KCNJ3: variants seen among roughly 807,000 people sequenced by gnomAD.
KCNJ3 encodes the protein G protein-activated inward rectifier potassium channel 1.
A neutral mutation model predicts 39.2 loss-of-function variants in KCNJ3; 4 were observed. The ratio of observed to expected loss-of-function variants is 0.10; its 90% CI spans 0.05 to 0.23. KCNJ3 has a LOEUF of 0.23. Among genes scored for constraint, KCNJ3 ranks in the 10% least tolerant of loss-of-function variants. KCNJ3 has a pLI of 1.00. For missense variants in KCNJ3, 276 were observed against 634.9 expected (o/e 0.43, Z 6.08); for synonymous variants, 230 against 237.4 (o/e 0.97, Z 0.29).
intron 2 of KCNJ3, among the ~76,000 whole-genome samples, chr2:154,751,462 T>G (rs1267610505): frequency 1.3e-5 from 2 of 152,028 alleles, no homozygotes; most frequent in African/African-American, 4.8e-5. Flanking sequence ...TAATATCTAG[T>G]TTAGTTGCTT....
intron 2 of KCNJ3, among the ~76,000 whole-genome samples, chr2:154,757,943 T>C (rs12993174): frequency 3.3e-5 from 5 of 152,180 alleles, no homozygotes. Flanking sequence ...TTGAGTATTG[T>C]GTTTTAATAT....
intron 2 of KCNJ3, among the ~76,000 whole-genome samples, chr2:154,718,834 C>T (rs1413974807): frequency 1.3e-5 from 2 of 152,072 alleles, no homozygotes; most frequent in Non-Finnish European, 2.9e-5. Flanking sequence ...AATTACCATA[C>T]TAATGTGAAG....
intron 2 of KCNJ3, among the ~76,000 whole-genome samples, chr2:154,781,652 T>C (rs1401844602): frequency 1.3e-5 from 2 of 152,202 alleles, no homozygotes; most frequent in Admixed American, 6.5e-5. Context: ...TTTTGATTGG[T>C]TTGTTTCTGG....
intron 2 of KCNJ3, among the ~76,000 whole-genome samples, chr2:154,750,619 A>G (rs1186552429): frequency 2.6e-5 from 4 of 151,970 alleles, no homozygotes; most frequent in Non-Finnish European, 4.4e-5. Context: ...TAAAAACCTT[A>G]CAGTATTGAT....
chr2:154,727,748 T>C (rs1182316129), intron 2 of KCNJ3, among the ~76,000 whole-genome samples: 1 of 151,840 alleles, frequency 6.6e-6, no homozygotes, highest in Non-Finnish European at 1.5e-5. Flanking sequence ...AGGTTATACA[T>C]GATGTTAACT....
chr2:154,788,516 A>G (rs1686573442), intron 2 of KCNJ3, among the ~76,000 whole-genome samples: 2 of 152,126 alleles, frequency 1.3e-5, no homozygotes, highest in South Asian at 2.1e-4. Flanking sequence ...GTGTCTAAAC[A>G]GATGTCTTAT....
intron 2 of KCNJ3, among the ~76,000 whole-genome samples, chr2:154,854,095 C>A (rs1280240175): frequency 2.0e-5 from 3 of 152,110 alleles, no homozygotes; most frequent in Non-Finnish European, 4.4e-5. Context: ...GGGAGAGTTA[C>A]CTTTTGTCCT....
intron 2 of KCNJ3, among the ~76,000 whole-genome samples, chr2:154,749,606 A>G (rs1685803922): frequency 6.6e-6 from 1 of 152,064 alleles, no homozygotes; most frequent in Non-Finnish European, 1.5e-5. Context: ...TTATTTTAAA[A>G]TGTGTTTGGC....
chr2:154,855,264 G>A lies in KCNJ3; in HGVS notation c.1457G>A (p.Gly486Glu). The A allele has an allele frequency of 6.2e-7, 1 of 1,611,932 alleles. No individual in the cohort carries two copies. The highest frequency in any genetic ancestry group is 8.5e-7 in the Non-Finnish European group (1 of 1,179,444). Residue 486 changes from glycine (G) to glutamate (E), a missense_variant, in exon 3 of 3, where the codon GGG becomes GAG. Transcript: ENST00000295101. Reference protein sequence around the residue: ...KMAGGAARMEGNLPAKLRKMN... With the variant: ...KMAGGAARMEENLPAKLRKMN... ...GCTGGAGGAGCAGCTAGGATGGAAG[G>A]GAACCTTCCAGCCAAATTAAGAAAA... is the stretch of plus-strand genomic sequence containing the variant.
At position 154,855,149 on chromosome 2, in the gene KCNJ3, G is replaced by A. The variant is rs1442620631; in HGVS notation, c.1342G>A (p.Glu448Lys). Residue 448 changes from glutamate (E) to lysine (K), a missense_variant, in exon 3 of 3, where the codon GAA (glutamate) becomes AAA (lysine). By Grantham distance (56) the Glu-to-Lys change is moderately conservative (BLOSUM62 1). Transcript: ENST00000295101. Reference protein sequence around the residue: ...QRISSVPGNSEEKLVSKTTKM... With the variant: ...QRISSVPGNSKEKLVSKTTKM... Reference sequence around the variant, plus strand: ...AATAAGTTCAGTTCCGGGCAACTCAGAAGAAAAACTGGTATCTAAAACCAC... The same window carrying A: ...AATAAGTTCAGTTCCGGGCAACTCAAAAGAAAAACTGGTATCTAAAACCAC... The A allele has an allele frequency of 1.2e-6, 2 of 1,613,986 alleles. No homozygotes were observed. The highest frequency in any genetic ancestry group is 1.1e-5 in the South Asian group (1 of 91,076).
intron 2 of KCNJ3, among the ~76,000 whole-genome samples, chr2:154,731,727 G>C (rs1232707249): frequency 4.6e-5 from 7 of 151,114 alleles, no homozygotes; most frequent in Non-Finnish European, 1.0e-4. Flanking sequence ...AAAAAAGAGA[G>C]ACACAGTTTT....
intron 2 of KCNJ3, among the ~76,000 whole-genome samples, chr2:154,825,856 G>A (rs1687262180): frequency 6.7e-6 from 1 of 149,326 alleles, no homozygotes. Flanking sequence ...TGGGATTACA[G>A]TCATGAGCCA....
intron 2 of KCNJ3, among the ~76,000 whole-genome samples, chr2:154,766,401 G>A (rs1255166732): frequency 1.3e-5 from 2 of 152,076 alleles, no homozygotes; most frequent in South Asian, 2.1e-4. Context: ...AAAGATAAAG[G>A]TTGCAGGTTT....
intron 1 of KCNJ3, among the ~76,000 whole-genome samples, chr2:154,708,519 C>A (rs1351263596): frequency 6.6e-6 from 1 of 152,084 alleles, no homozygotes; most frequent in Non-Finnish European, 1.5e-5. Context: ...ACAATGGATT[C>A]ATCAGTCCTA....
chr2:154,764,392 A>G lies in KCNJ3; in HGVS notation c.919+54573A>G, dbSNP rs187130753. ...ACTTAATGACTGTGTGGACTTTTGT[A>G]TAGACAACTTGCCTTCCATCCTGTA... On this transcript the variant is annotated intron_variant, in intron 2 of 2. Coordinates refer to ENST00000295101, the MANE Select transcript of KCNJ3 (RefSeq NM_002239.4). Among the ~76,000 whole-genome samples the G allele has an allele frequency of 7.2e-5, 11 of 152,286 alleles. No individual in the cohort carries two copies. In the East Asian group the frequency reaches 1.7e-3, roughly 24 times the overall value.
At chr2:154,820,466 C>T (rs1473256791) in intron 2 of KCNJ3, among the ~76,000 whole-genome samples, 8 of 152,132 alleles carry the variant, frequency 5.3e-5, no homozygotes, top group Non-Finnish European at 8.8e-5. Flanking sequence ...CATCAGGAGA[C>T]GCAACATCTG....
chr2:154,806,319 G>A (rs1686910434), intron 2 of KCNJ3, among the ~76,000 whole-genome samples: 2 of 152,250 alleles, frequency 1.3e-5, no homozygotes, highest in Admixed American at 6.5e-5. Flanking sequence ...TACCAATGGA[G>A]CAATGCAATG....
chr2:154,830,274 C>T (rs1687340591), intron 2 of KCNJ3, among the ~76,000 whole-genome samples: 1 of 152,040 alleles, frequency 6.6e-6, no homozygotes, highest in African/African-American at 2.4e-5. Context: ...TTACAAAAGA[C>T]ATAATTTTTA....
intron 2 of KCNJ3, among the ~76,000 whole-genome samples, chr2:154,788,539 T>C (rs1413219144): frequency 6.6e-6 from 1 of 152,148 alleles, no homozygotes; most frequent in Non-Finnish European, 1.5e-5. Context: ...TTTTTTCTCA[T>C]ATTCCTTTGA....
Sources: allele counts gnomAD v4.1 joint callset (sites outside exome capture counted in the v4.1 genomes callset), GRCh38; gene constraint gnomAD v4.1.1; transcripts MANE v1.5; gene names NCBI Gene and HGNC (gene_info 2026-07-23, HGNC 2026-07-21).